Variants in ZCWPW2 observed in about 807,000 individuals in gnomAD.
ZCWPW2 encodes zinc finger CW-type PWWP domain protein 2.
ZCWPW2 carries 45 observed loss-of-function variants against 46.6 expected under a neutral mutation model. The ratio of observed to expected loss-of-function variants is 0.96; its 90% CI spans 0.76 to 1.24. The LOEUF (loss-of-function observed/expected upper bound fraction) is 1.24. Among genes scored for constraint, ZCWPW2 ranks in the 50% most tolerant of loss-of-function variants. The pLI, the probability that ZCWPW2 is intolerant of heterozygous loss-of-function variation, is 0.00. For synonymous variants in ZCWPW2, 152 were observed against 137.1 expected, an observed-to-expected ratio of 1.11 and a Z score of -0.76; for missense variants, 429 against 403.9, an observed-to-expected ratio of 1.06 and a Z score of -0.53.
chr3:28,444,260 T>G (rs1697893516), intron 4 of ZCWPW2, among the ~76,000 whole-genome samples: 2 of 152,126 alleles, frequency 1.3e-5, no homozygotes, highest in South Asian at 4.1e-4. Context: ...ACTCTCAACC[T>G]CACCTCTAGG....
chr3:28,499,479 A>C (rs1052388037), intron 6 of ZCWPW2, among the ~76,000 whole-genome samples: 1 of 152,006 alleles, frequency 6.6e-6, no homozygotes, highest in African/African-American at 2.4e-5. Context: ...TCCTTCCACC[A>C]CTTTTTGATG....
intron 1 of ZCWPW2, among the ~76,000 whole-genome samples, chr3:28,367,240 G>T (rs888095013): frequency 2.2e-4 from 34 of 152,002 alleles, no homozygotes; most frequent in African/African-American, 7.5e-4. Context: ...TGATGTTAGG[G>T]TGTTAATTTT....
chr3:28,389,135 G>A (rs984220316), intron 1 of ZCWPW2, among the ~76,000 whole-genome samples: 3 of 152,144 alleles, frequency 2.0e-5, no homozygotes, highest in Non-Finnish European at 2.9e-5. Context: ...GGCCGACAGA[G>A]CATGGCATCT....
At chr3:28,357,501 C>T (rs1704781757) in intron 1 of ZCWPW2, among the ~76,000 whole-genome samples, 1 of 152,040 alleles carries the variant, frequency 6.6e-6, no homozygotes, top group South Asian at 2.1e-4. Flanking sequence ...AGATTGCTCT[C>T]CACATTGTGA....
At chr3:28,435,912 A>G (rs1445379756) in intron 4 of ZCWPW2, among the ~76,000 whole-genome samples, 2 of 152,204 alleles carry the variant, frequency 1.3e-5, no homozygotes, top group East Asian at 1.9e-4. Flanking sequence ...AGGAGACTCT[A>G]TGTTATAGCC....
intron 6 of ZCWPW2, among the ~76,000 whole-genome samples, chr3:28,496,498 T>C (rs1273048846): frequency 1.3e-5 from 2 of 151,998 alleles, no homozygotes; most frequent in Non-Finnish European, 2.9e-5. Flanking sequence ...ACATGGAACT[T>C]TTAGATATTT....
intron 4 of ZCWPW2, among the ~76,000 whole-genome samples, chr3:28,468,852 C>G (rs1387486846): frequency 6.6e-6 from 1 of 152,094 alleles, no homozygotes; most frequent in Non-Finnish European, 1.5e-5. Context: ...AAGGATCTTC[C>G]TGAGCAATAC....
chr3:28,356,938 G>T (rs1704755356), intron 1 of ZCWPW2, among the ~76,000 whole-genome samples: 1 of 151,878 alleles, frequency 6.6e-6, no homozygotes, highest in African/African-American at 2.4e-5. Context: ...CACCAACATG[G>T]CATATGTATA....
intron 4 of ZCWPW2, among the ~76,000 whole-genome samples, chr3:28,435,483 G>T (rs1575131142): frequency 6.8e-6 from 1 of 146,482 alleles, no homozygotes; most frequent in African/African-American, 2.5e-5. Flanking sequence ...TTTTCTTTCT[G>T]TCTTTTTTTT....
intron 1 of ZCWPW2, among the ~76,000 whole-genome samples, chr3:28,369,264 G>C (rs1247148598): frequency 6.6e-6 from 1 of 152,076 alleles, no homozygotes; most frequent in Non-Finnish European, 1.5e-5. Flanking sequence ...TTTTTCTGCT[G>C]TTTTTTCCCC....
intron 5 of ZCWPW2, among the ~76,000 whole-genome samples, chr3:28,480,522 T>C (rs1417336339): frequency 1.3e-5 from 2 of 151,590 alleles, no homozygotes; most frequent in African/African-American, 4.8e-5. Context: ...AAAATTTTCT[T>C]CCAGTCAGTA....
intron 3 of ZCWPW2, among the ~76,000 whole-genome samples, chr3:28,430,123 G>C (rs185803876): frequency 6.6e-6 from 1 of 152,190 alleles, no homozygotes; most frequent in African/African-American, 2.4e-5. Context: ...AGCTTGCACC[G>C]TGCAACTGGA....
At chr3:28,411,160 T>A (rs1351031242) in intron 2 of ZCWPW2, among the ~76,000 whole-genome samples, 1 of 151,958 alleles carries the variant, frequency 6.6e-6, no homozygotes, top group Admixed American at 6.6e-5. Context: ...GCAATGTATA[T>A]TAAAAACTTA....
chr3:28,496,702 G>C (rs967081137), intron 6 of ZCWPW2, among the ~76,000 whole-genome samples: 3 of 151,856 alleles, frequency 2.0e-5, no homozygotes, highest in African/African-American at 7.2e-5. Flanking sequence ...ATAAAAGAAA[G>C]CTGTTGGTAT....
intron 7 of ZCWPW2, among the ~76,000 whole-genome samples, chr3:28,515,259 CT>C (rs1700531221): frequency 6.6e-6 from 1 of 152,036 alleles, no homozygotes; most frequent in Admixed American, 6.6e-5. Flanking sequence ...TTCTCAGTTT[CT>C]TTATATAATG....
chr3:28,466,033 G>C (rs1698808540), intron 4 of ZCWPW2, among the ~76,000 whole-genome samples: 1 of 152,162 alleles, frequency 6.6e-6, no homozygotes, highest in Non-Finnish European at 1.5e-5. Flanking sequence ...TAGCAATATA[G>C]ATGGAGTCAG....
intron 5 of ZCWPW2, among the ~76,000 whole-genome samples, chr3:28,480,234 AT>A (rs1699381572): frequency 6.6e-6 from 1 of 152,042 alleles, no homozygotes; most frequent in Non-Finnish European, 1.5e-5. Context: ...ACCATCTGCT[AT>A]TTTTTGACTT....
chr3:28,375,745 T>TG (rs1705480872), intron 1 of ZCWPW2, among the ~76,000 whole-genome samples: 1 of 151,798 alleles, frequency 6.6e-6, no homozygotes, highest in African/African-American at 2.4e-5. Flanking sequence ...TTCTATTTTT[T>TG]TTTTTTGTGC....
intron 6 of ZCWPW2, among the ~76,000 whole-genome samples, chr3:28,513,593 A>G (rs1390485322): frequency 6.6e-6 from 1 of 152,044 alleles, no homozygotes; most frequent in Admixed American, 6.6e-5. Context: ...CATGTCACTT[A>G]TCTTTGCCTA....
Sources: gnomAD v4.1 joint callset for allele counts (sites outside exome capture counted in the v4.1 genomes callset) on GRCh38, gnomAD v4.1.1 for gene constraint, MANE v1.5 for transcripts, NCBI Gene and HGNC (gene_info 2026-07-23, HGNC 2026-07-21) for gene names.